Variants in EDA observed in about 807,000 individuals in gnomAD.
EDA encodes the protein ectodysplasin A, also known as ectodysplasin-A.
EDA carries 2 observed loss-of-function variants against 23.6 expected under a neutral mutation model. That is an observed-to-expected ratio of 0.08 (90% confidence interval 0.03 to 0.27). The LOEUF (loss-of-function observed/expected upper bound fraction) is 0.27, where lower values mean the gene tolerates loss of function less well. Among genes scored for constraint, EDA ranks in the 10% least tolerant of loss-of-function variants. EDA has a pLI of 1.00. For missense variants in EDA, 229 were observed against 324.2 expected (o/e 0.71, Z 2.26); for synonymous variants, 131 against 132.0 (o/e 0.99, Z 0.05).
intron 1 of EDA, among the ~76,000 whole-genome samples, chrX:69,631,133 C>A (rs977940934): frequency 5.4e-5 from 6 of 111,140 alleles, no homozygotes; most frequent in Non-Finnish European, 1.1e-4. Flanking sequence ...GTAATCCCAG[C>A]ATTTTGGAAG....
chrX:69,964,707 G>A (rs1208994922), intron 2 of EDA, among the ~76,000 whole-genome samples: 2 of 111,394 alleles, frequency 1.8e-5, no homozygotes. Flanking sequence ...TGGCTGAGTG[G>A]TGAACTGCTA....
At chrX:69,799,696 C>A (rs375971607) in intron 1 of EDA, among the ~76,000 whole-genome samples, 765 of 86,829 alleles carry the variant, frequency 8.8e-3, no homozygotes, top group Non-Finnish European at 0.01. Context: ...ACTAAAAAGA[C>A]AAAAAAAAAA....
At chrX:70,002,157 G>A (rs992446626) in intron 2 of EDA, among the ~76,000 whole-genome samples, 2 of 111,836 alleles carry the variant, frequency 1.8e-5, no homozygotes, top group Admixed American at 9.5e-5. Flanking sequence ...AGAGACACGG[G>A]CTGTATCATT....
At chrX:69,872,937 CAA>C (rs2017588764) in intron 1 of EDA, among the ~76,000 whole-genome samples, 1 of 111,374 alleles carries the variant, frequency 9.0e-6, no homozygotes, top group African/African-American at 3.3e-5. Context: ...CCAACAACTG[CAA>C]AATATATATT....
At chrX:69,681,842 C>T (rs143957389) in intron 1 of EDA, among the ~76,000 whole-genome samples, 6,779 of 111,701 alleles carry the variant, frequency 0.061, 207 homozygotes, top group Middle Eastern at 0.093. Context: ...ATTCTCCGTC[C>T]GGCTTTGTTC....
intron 2 of EDA, among the ~76,000 whole-genome samples, chrX:69,969,284 C>A (rs1278178252): frequency 8.9e-6 from 1 of 112,097 alleles, no homozygotes; most frequent in Non-Finnish European, 1.9e-5. Context: ...ATGTTTCGAT[C>A]CTAATCTGTT....
intron 2 of EDA, among the ~76,000 whole-genome samples, chrX:69,999,351 G>A (rs772633337): frequency 3.6e-5 from 4 of 111,364 alleles, no homozygotes; most frequent in South Asian, 3.8e-4. Flanking sequence ...AGTGGCTCAC[G>A]CCTGTAATCC....
At chrX:69,859,895 C>A (rs765510937) in intron 1 of EDA, among the ~76,000 whole-genome samples, 11 of 110,612 alleles carry the variant, frequency 9.9e-5, no homozygotes, top group Non-Finnish European at 1.9e-4. Context: ...CTTTATGAAT[C>A]TGGGTACTTC....
At chrX:69,820,008 A>C (rs1471997489) in intron 1 of EDA, among the ~76,000 whole-genome samples, 3 of 111,491 alleles carry the variant, frequency 2.7e-5, no homozygotes, top group Non-Finnish European at 5.6e-5. Flanking sequence ...ACAAGGTTAC[A>C]GTAACCAAAA....
intron 1 of EDA, among the ~76,000 whole-genome samples, chrX:69,950,127 AG>A (rs1374204233): frequency 1.2e-5 from 1 of 81,424 alleles, no homozygotes; most frequent in Non-Finnish European, 2.4e-5. Flanking sequence ...GCACAGCAAA[AG>A]AAACTACCAT....
At chrX:69,919,856 G>A (rs192184564) in intron 1 of EDA, among the ~76,000 whole-genome samples, 54 of 93,956 alleles carry the variant, frequency 5.7e-4, no homozygotes, top group African/African-American at 1.9e-3. Context: ...CATGATTTGT[G>A]TAAACTTTGG....
chrX:69,900,064 G>A (rs973376216), intron 1 of EDA, among the ~76,000 whole-genome samples: 1 of 111,240 alleles, frequency 9.0e-6, no homozygotes, highest in African/African-American at 3.3e-5. Context: ...AGGATTAAAC[G>A]AGTTGATATA....
chrX:69,692,424 C>T (rs772853940), intron 1 of EDA, among the ~76,000 whole-genome samples: 1 of 111,266 alleles, frequency 9.0e-6, no homozygotes, highest in Non-Finnish European at 1.9e-5. Flanking sequence ...CAACTCTAAG[C>T]AGAAGACATG....
At chrX:69,782,640 G>A (rs191186211) in intron 1 of EDA, among the ~76,000 whole-genome samples, 44 of 111,610 alleles carry the variant, frequency 3.9e-4, no homozygotes, top group Non-Finnish European at 6.0e-4. Context: ...ATAGAGTTCT[G>A]CTTCAAATAT....
At chrX:69,864,374 T>C (rs1286782058) in intron 1 of EDA, among the ~76,000 whole-genome samples, 1 of 110,975 alleles carries the variant, frequency 9.0e-6, no homozygotes, top group Non-Finnish European at 1.9e-5. Context: ...GCCACTACAG[T>C]TCAGCTCTCA....
intron 1 of EDA, among the ~76,000 whole-genome samples, chrX:69,786,547 T>A (rs1423801236): frequency 9.0e-6 from 1 of 110,821 alleles, no homozygotes; most frequent in African/African-American, 3.3e-5. Flanking sequence ...TTTCGTTATG[T>A]ACCCAGTAGT....
rs2016751107 is a variant in EDA at position 69,835,591 on chromosome X, T to C, written c.397-121436T>C. Among the ~76,000 whole-genome samples the C allele has an allele frequency of 2.7e-5, 3 of 111,563 alleles. No homozygotes were observed. In the South Asian group the frequency reaches 1.1e-3, roughly 43 times the overall value. ...GTCATTTAAGGTCTTCTCTACACTG[T>C]TTATTCTAGTTAGCCGTTTGTCTAA... is the stretch of plus-strand genomic sequence containing the variant. On this transcript the variant is annotated intron_variant, in intron 1 of 7. Transcript: ENST00000374552.
chrX:69,825,793 G>T (rs1159257501), intron 1 of EDA, among the ~76,000 whole-genome samples: 8 of 110,640 alleles, frequency 7.2e-5, no homozygotes, highest in Non-Finnish European at 1.5e-4. Flanking sequence ...GTGATGTTAG[G>T]GTGTCAATTC....
rs1178084274 is a variant in EDA at position 69,727,227 on chromosome X, C to T, written c.396+110523C>T. 2.7e-5 allele frequency among the ~76,000 whole-genome samples: 3 copies of T among 111,792 alleles called. No individual in the cohort carries two copies. In the South Asian group the frequency reaches 1.1e-3, roughly 42 times the overall value. On this transcript the variant is annotated intron_variant, in intron 1 of 7. Transcript: ENST00000374552. ...TCCTTCTCTGCTGCACTCTGCTGCT[C>T]ATCTGCTCATCTGCTCGTGGAGCCT...
Sources: allele counts gnomAD v4.1 joint callset (sites outside exome capture counted in the v4.1 genomes callset), GRCh38; gene constraint gnomAD v4.1.1; transcripts MANE v1.5; gene names NCBI Gene and HGNC (gene_info 2026-07-23, HGNC 2026-07-21).